The following MRRF variants were observed in gnomAD, a reference collection of about 807,000 sequenced individuals.
The protein encoded by MRRF is mitochondrial ribosome recycling factor.
MRRF carries 18 observed loss-of-function variants against 25.1 expected under a neutral mutation model. The ratio of observed to expected loss-of-function variants is 0.72; its 90% CI spans 0.50 to 1.06. The LOEUF (loss-of-function observed/expected upper bound fraction) is 1.06, where lower values mean the gene tolerates loss of function less well. MRRF is among the 50% of genes least tolerant of loss of function. The probability of loss-of-function intolerance (pLI) is 0.00; values close to 1 mark genes in which losing one functional copy is unlikely to be tolerated. For synonymous variants in MRRF, 113 were observed against 112.1 expected (o/e 1.01, Z -0.05); for missense variants, 323 against 319.3 (o/e 1.01, Z -0.09).
At position 122,310,562 on chromosome 9, in the gene MRRF, C is replaced by T. The variant is rs1835140757; in HGVS notation, c.552-2665C>T. ...ATAGAAGTGTTGTGTTTTCTGTATG[C>T]TCCTTCCGCAGTAGATACTAGCAAC... On this transcript the variant is annotated intron_variant, in intron 5 of 6. Transcript: ENST00000344641. Among the ~76,000 whole-genome samples the T allele has an allele frequency of 2.0e-5, 3 of 152,204 alleles. No homozygotes were observed. The South Asian group carries it at 6.2e-4, about 32-fold the overall frequency.
At chr9:122,318,292 C>T (rs963618096) in intron 6 of MRRF, among the ~76,000 whole-genome samples, 1 of 152,148 alleles carries the variant, frequency 6.6e-6, no homozygotes, top group African/African-American at 2.4e-5. Context: ...TCTTCCCGCT[C>T]AGGACTCTGA....
At chr9:122,299,021 G>A (rs1344197842) in intron 5 of MRRF, among the ~76,000 whole-genome samples, 3 of 152,078 alleles carry the variant, frequency 2.0e-5, no homozygotes, top group South Asian at 2.1e-4. Context: ...AGGCCCTGAG[G>A]TGGGAGTCTA....
rs576532085 is a variant in MRRF at position 122,302,448 on chromosome 9, TCA to T, written c.551+10612_551+10613del. Among the ~76,000 whole-genome samples the T allele has an allele frequency of 9.2e-5, 14 of 152,324 alleles. No individual in the cohort carries two copies. In the South Asian group the frequency reaches 2.9e-3, roughly 32 times the overall value. ...TTCTGAATATTTTATGTAAGTGGAG[TCA>T]CACGATATGTGGTCTTTTGTGACTG... On this transcript the variant is annotated intron_variant, in intron 5 of 6. Coordinates refer to ENST00000344641, the MANE Select transcript of MRRF (RefSeq NM_138777.5).
intron 5 of MRRF, among the ~76,000 whole-genome samples, chr9:122,297,625 A>T (rs963542787): frequency 1.1e-4 from 17 of 152,138 alleles, no homozygotes; most frequent in Non-Finnish European, 7.4e-5. Flanking sequence ...TTTGCTAACC[A>T]TGTCTCAATG....
intron 5 of MRRF, among the ~76,000 whole-genome samples, chr9:122,295,010 T>C (rs1456440342): frequency 6.6e-6 from 1 of 152,156 alleles, no homozygotes; most frequent in East Asian, 1.9e-4. Context: ...AAAAGTATAA[T>C]GGTTAAATTT....
At chr9:122,319,156 T>C (rs1835719814) in intron 6 of MRRF, among the ~76,000 whole-genome samples, 1 of 146,054 alleles carries the variant, frequency 6.8e-6, no homozygotes, top group African/African-American at 2.5e-5. Flanking sequence ...TCTTTTTTTT[T>C]TTTTTTTTTT....
At chr9:122,270,842 C>T (rs771615182) in intron 1 of MRRF, 22 bp from the exon 2 acceptor site, 38 of 1,594,782 alleles carry the variant, frequency 2.4e-5, no homozygotes, top group Admixed American at 3.3e-5. Flanking sequence ...CTTAGATCTG[C>T]TTTTTGTCTT....
At chr9:122,282,044 T>G (rs1833120026) in intron 3 of MRRF, among the ~76,000 whole-genome samples, 2 of 152,228 alleles carry the variant, frequency 1.3e-5, no homozygotes, top group South Asian at 4.1e-4. Context: ...GGCCTCCTGT[T>G]GGTATTTCCT....
At chr9:122,312,979 T>C (rs1279345664) in intron 5 of MRRF, among the ~76,000 whole-genome samples, 1 of 152,212 alleles carries the variant, frequency 6.6e-6, no homozygotes, top group Non-Finnish European at 1.5e-5. Flanking sequence ...CCAGAAATAT[T>C]GGGATTTGAA....
At chr9:122,266,356 G>A (rs184501197) in intron 1 of MRRF, among the ~76,000 whole-genome samples, 24 of 152,324 alleles carry the variant, frequency 1.6e-4, no homozygotes, top group Admixed American at 1.3e-3. Flanking sequence ...CAAGGAAGCC[G>A]TCCTCTGAGG....
Position 122,313,313 on chromosome 9 carries a change from C to G in MRRF, c.638C>G (p.Thr213Ser). 6.2e-7 allele frequency: 1 copy of G among 1,614,072 alleles called. No individual in the cohort carries two copies. Among genetic ancestry groups the G allele is most frequent in the Non-Finnish European group, 8.5e-7 (1 of 1,179,938 alleles). The change falls in exon 6 of 7, where the codon ACC (threonine) becomes AGC (serine). Residue 213 changes from threonine (T) to serine (S), a missense_variant. Thr to Ser is a moderately conservative substitution (Grantham distance 58). Transcript: ENST00000344641. ...KAKDSLRKVR[T>S]NSMNKLKKSK... ...AAAGACTCTTTACGGAAGGTTCGCA[C>G]CAACTCAATGAACAAGCTGAAGAAA...
intron 2 of MRRF, among the ~76,000 whole-genome samples, chr9:122,278,874 G>A (rs548765035): frequency 1.3e-5 from 2 of 151,954 alleles, no homozygotes; most frequent in East Asian, 1.9e-4. Flanking sequence ...TTCTCAATCC[G>A]AAGATCCACA....
intron 1 of MRRF, chr9:122,265,428 C>T (rs1366018319): frequency 3.5e-6 from 1 of 287,810 alleles, no homozygotes. Flanking sequence ...TTTACTTAAC[C>T]CTGACAAATA....
chr9:122,270,098 G>T (rs1362403429), intron 1 of MRRF, among the ~76,000 whole-genome samples: 4 of 152,146 alleles, frequency 2.6e-5, no homozygotes, highest in African/African-American at 9.7e-5. Flanking sequence ...CCAGGTATTT[G>T]ATACTAATTG....
At chr9:122,279,581 A>G (rs1279283469) in intron 2 of MRRF, among the ~76,000 whole-genome samples, 2 of 152,230 alleles carry the variant, frequency 1.3e-5, no homozygotes, top group African/African-American at 4.8e-5. Context: ...CCCATTCCCT[A>G]TAAAAGAAAT....
intron 5 of MRRF, among the ~76,000 whole-genome samples, chr9:122,307,851 G>A (rs1441973999): frequency 1.3e-5 from 2 of 152,162 alleles, no homozygotes; most frequent in Admixed American, 1.3e-4. Context: ...TTGAGTGTCT[G>A]TTGCATTAAC....
chr9:122,318,278 G>A (rs556305021), intron 6 of MRRF, among the ~76,000 whole-genome samples: 3 of 151,164 alleles, frequency 2.0e-5, no homozygotes, highest in Admixed American at 6.6e-5. Flanking sequence ...AAGAAGGACC[G>A]AGGTCTTCCC....
At chr9:122,306,489 A>G (rs916606868) in intron 5 of MRRF, among the ~76,000 whole-genome samples, 1 of 152,346 alleles carries the variant, frequency 6.6e-6, no homozygotes, top group Non-Finnish European at 1.5e-5. Context: ...CCAGGGCCAC[A>G]AAGCTAAAAA....
chr9:122,308,527 C>T (rs1014912373), intron 5 of MRRF, among the ~76,000 whole-genome samples: 1 of 151,090 alleles, frequency 6.6e-6, no homozygotes, highest in African/African-American at 2.4e-5. Flanking sequence ...GGCGAAACCC[C>T]GTCTCTACTA....
Sources: gnomAD v4.1 joint callset for allele counts (sites outside exome capture counted in the v4.1 genomes callset) on GRCh38, gnomAD v4.1.1 for gene constraint, MANE v1.5 for transcripts, NCBI Gene and HGNC (gene_info 2026-07-23, HGNC 2026-07-21) for gene names.